The following SLC9B1 variants were observed in gnomAD, a reference collection of about 807,000 sequenced individuals.
SLC9B1 encodes the protein solute carrier family 9 member B1.
SLC9B1 carries 32 observed loss-of-function variants against 51.7 expected under a neutral mutation model. The ratio of observed to expected loss-of-function variants is 0.62; its 90% CI spans 0.47 to 0.83. The LOEUF is 0.83. Ranked by LOEUF, SLC9B1 falls within the 40% of genes least tolerant of loss-of-function variation. The pLI, the probability that SLC9B1 is intolerant of heterozygous loss-of-function variation, is 0.00. For synonymous variants in SLC9B1, 145 were observed against 212.7 expected, an observed-to-expected ratio of 0.68 and a Z score of 2.77; for missense variants, 406 against 613.2, an observed-to-expected ratio of 0.66 and a Z score of 3.57.
intron 1 of SLC9B1, among the ~76,000 whole-genome samples, chr4:103,005,681 C>T (rs556657479): frequency 6.6e-6 from 1 of 152,110 alleles, no homozygotes; most frequent in Non-Finnish European, 1.5e-5. Context: ...ATGGCACATA[C>T]TGTAAATTGG....
intron 1 of SLC9B1, among the ~76,000 whole-genome samples, chr4:103,000,788 G>A (rs900127006): frequency 3.9e-5 from 6 of 152,190 alleles, no homozygotes; most frequent in African/African-American, 7.2e-5. Context: ...TTGAGTGTCT[G>A]CCGACATTAC....
intron 3 of SLC9B1, among the ~76,000 whole-genome samples, chr4:102,958,354 C>A (rs4699039): frequency 0.54 from 82,349 of 152,060 alleles, 22,828 homozygotes; most frequent in African/African-American, 0.67. Flanking sequence ...CTTCCTGAAG[C>A]CTTCCCAGAA....
chr4:102,906,665 T>C (rs1419132963), intron 9 of SLC9B1, 21 bp from the exon 10 acceptor site: 3 of 1,370,098 alleles, frequency 2.2e-6, no homozygotes, highest in East Asian at 4.6e-5. Context: ...GAGAAATACA[T>C]TTATAATGAT....
intron 1 of SLC9B1, among the ~76,000 whole-genome samples, chr4:103,008,076 A>G (rs1560530263): frequency 6.6e-6 from 1 of 152,218 alleles, no homozygotes; most frequent in Non-Finnish European, 1.5e-5. Flanking sequence ...AAAAATTTTT[A>G]TGCTTTACTT....
intron 3 of SLC9B1, among the ~76,000 whole-genome samples, chr4:102,949,650 C>T (rs1737445519): frequency 6.6e-6 from 1 of 152,128 alleles, no homozygotes; most frequent in South Asian, 2.1e-4. Flanking sequence ...AGTGTTTTTA[C>T]TTTAAAAATA....
chr4:102,924,798 G>GA (rs1736073742), intron 7 of SLC9B1, among the ~76,000 whole-genome samples: 1 of 152,194 alleles, frequency 6.6e-6, no homozygotes, highest in Non-Finnish European at 1.5e-5. Flanking sequence ...ACAGACACAT[G>GA]AAAAAATGCT....
chr4:102,899,097 T>A (rs993336826), downstream of SLC9B1, among the ~76,000 whole-genome samples: 67 of 151,220 alleles, frequency 4.4e-4, no homozygotes, highest in African/African-American at 1.6e-3. Flanking sequence ...TTGTAATTTT[T>A]AAATTATATT....
At position 102,901,192 on chromosome 4, in the gene SLC9B1, C is replaced by T; in HGVS notation, c.1473G>A (p.Leu491=). ...AATGGCGTGTAAGCATTTTAGGCCC[C>T]AGAATGCCCATAAGTAGAGCTCCAT... is the stretch of plus-strand genomic sequence containing the variant. ...APNGALLMGI[L]GPKMLTRHYD... is the part of the protein sequence containing the mutation. Residue 491 remains leucine, a synonymous_variant, in exon 12 of 12, where the codon CTG becomes CTA. Transcript: ENST00000296422. 1 of 1,612,042 alleles carries T rather than the reference C, an allele frequency of 6.2e-7. No individual in the cohort carries two copies. The highest frequency in any genetic ancestry group is 8.5e-7 in the Non-Finnish European group (1 of 1,179,860).
chr4:103,009,488 C>CT (rs1358377363), intron 1 of SLC9B1, among the ~76,000 whole-genome samples: 2 of 152,110 alleles, frequency 1.3e-5, no homozygotes, highest in East Asian at 3.8e-4. Context: ...TAATAATTGG[C>CT]TAAATAAGAA....
At chr4:103,002,495 G>C (rs1740577746) in intron 1 of SLC9B1, among the ~76,000 whole-genome samples, 1 of 151,974 alleles carries the variant, frequency 6.6e-6, no homozygotes, top group South Asian at 2.1e-4. Flanking sequence ...ACCAAGAAAA[G>C]AGAAAAAAAT....
chr4:102,927,129 C>T (rs1177614006), intron 7 of SLC9B1, among the ~76,000 whole-genome samples: 2 of 152,246 alleles, frequency 1.3e-5, no homozygotes, highest in South Asian at 2.1e-4. Flanking sequence ...AAATGTTAGA[C>T]CTAAAACCAT....
Position 102,929,957 on chromosome 4 carries a change from T to C in SLC9B1, c.829+2167A>G, listed in dbSNP as rs1736371677. Among the ~76,000 whole-genome samples, 6 of 152,274 alleles carry C rather than the reference T, an allele frequency of 3.9e-5. No homozygotes were observed. In the South Asian group the frequency reaches 1.2e-3, roughly 32 times the overall value. ...TGAATGGTAAAAAGAGTGAGAAAAT[T>C]AAAAGCCAAATTACAAATTGAAAAA... On this transcript the variant is annotated intron_variant, in intron 7 of 11. Transcript: ENST00000296422.
chr4:102,977,315 A>C (rs1257610548), intron 3 of SLC9B1, among the ~76,000 whole-genome samples: 1 of 131,430 alleles, frequency 7.6e-6, no homozygotes, highest in Non-Finnish European at 1.6e-5. Context: ...AAAAAAAAAA[A>C]ACAGAAAAAA....
chr4:102,904,132 C>T (rs770491994), intron 11 of SLC9B1, among the ~76,000 whole-genome samples: 1 of 151,710 alleles, frequency 6.6e-6, no homozygotes, highest in South Asian at 2.1e-4. Flanking sequence ...GACCTCAGCT[C>T]ATTGCAGCCT....
chr4:102,980,454 G>A (rs1417824256), intron 3 of SLC9B1, among the ~76,000 whole-genome samples: 2 of 152,168 alleles, frequency 1.3e-5, no homozygotes, highest in Non-Finnish European at 2.9e-5. Context: ...GACATGGATG[G>A]AGCTGGAAGC....
intron 3 of SLC9B1, among the ~76,000 whole-genome samples, chr4:102,973,561 T>C (rs564187067): frequency 6.6e-6 from 1 of 152,304 alleles, no homozygotes; most frequent in South Asian, 2.1e-4. Flanking sequence ...TAGACTTCCA[T>C]ATGCTCAAAT....
chr4:102,993,889 T>C (rs927516934), intron 1 of SLC9B1, among the ~76,000 whole-genome samples: 8 of 152,204 alleles, frequency 5.3e-5, no homozygotes, highest in Non-Finnish European at 2.9e-5. Context: ...TGGCCTCCTT[T>C]AGACATAGCT....
At chr4:102,895,402 C>CA (rs1201854501) in intron 11 of SLC9B1, among the ~76,000 whole-genome samples, 24 of 152,056 alleles carry the variant, frequency 1.6e-4, no homozygotes, top group Admixed American at 1.3e-4. Flanking sequence ...AGAACAGGAA[C>CA]ACCTATGTGG....
rs562815556 is a variant in SLC9B1, at chr4:103,019,423, G to A, written c.-2+176C>T. Among the ~76,000 whole-genome samples the A allele has an allele frequency of 5.9e-5, 9 of 152,326 alleles. No individual in the cohort carries two copies. In the East Asian group the frequency reaches 1.7e-3, roughly 29 times the overall value. ...GGAGTAAGGAAAGGAGTCACGGAGA[G>A]GAGAGACAATGTCTGTGGCTGTTCC... On this transcript the variant is annotated intron_variant, in intron 1 of 11. Transcript: ENST00000296422.
Sources: allele counts gnomAD v4.1 joint callset (sites outside exome capture counted in the v4.1 genomes callset), GRCh38; gene constraint gnomAD v4.1.1; transcripts MANE v1.5; gene names NCBI Gene and HGNC (gene_info 2026-07-23, HGNC 2026-07-21).